The following ASIC2 variants were observed in gnomAD, a reference collection of about 807,000 sequenced individuals.
The protein encoded by ASIC2 is acid-sensing ion channel 2.
In ASIC2, 25 loss-of-function variants were observed where a neutral mutation model predicts 57.3. The ratio of observed to expected loss-of-function variants is 0.44; its 90% CI spans 0.32 to 0.61. The LOEUF (loss-of-function observed/expected upper bound fraction) is 0.61. Ranked by LOEUF, ASIC2 falls within the 20% of genes least tolerant of loss-of-function variation. The pLI is 0.06. For synonymous variants in ASIC2, 319 were observed against 307.5 expected, an observed-to-expected ratio of 1.04 and a Z score of -0.39; for missense variants, 641 against 738.1, an observed-to-expected ratio of 0.87 and a Z score of 1.52.
At chr17:33,250,777 A>G (rs965997417) in intron 1 of ASIC2, among the ~76,000 whole-genome samples, 4 of 152,130 alleles carry the variant, frequency 2.6e-5, no homozygotes, top group Admixed American at 1.3e-4. Flanking sequence ...ATCTCCCCCA[A>G]GGGAGCCCAG....
intron 1 of ASIC2, among the ~76,000 whole-genome samples, chr17:33,440,629 C>T (rs748670238): frequency 8.1e-4 from 124 of 152,196 alleles, no homozygotes; most frequent in Non-Finnish European, 7.1e-4. Context: ...CGAAGTATAT[C>T]GTTGGTCTTT....
chr17:33,185,852 C>T (rs1906171385), intron 1 of ASIC2, among the ~76,000 whole-genome samples: 1 of 152,112 alleles, frequency 6.6e-6, no homozygotes, highest in African/African-American at 2.4e-5. Flanking sequence ...AATAAACACT[C>T]CAGGCTTCGG....
chr17:33,319,155 G>A (rs959912134), intron 1 of ASIC2, among the ~76,000 whole-genome samples: 3 of 152,170 alleles, frequency 2.0e-5, no homozygotes, highest in Admixed American at 6.5e-5. Context: ...ACTTGAACCC[G>A]GGATGCGGAG....
intron 1 of ASIC2, among the ~76,000 whole-genome samples, chr17:33,913,244 C>T (rs1915507382): frequency 6.6e-6 from 1 of 152,070 alleles, no homozygotes; most frequent in Admixed American, 6.6e-5. Flanking sequence ...ATGTGTAATA[C>T]ATTTTCAATA....
At chr17:33,398,037 A>G (rs1910142512) in intron 1 of ASIC2, among the ~76,000 whole-genome samples, 1 of 152,176 alleles carries the variant, frequency 6.6e-6, no homozygotes, top group African/African-American at 2.4e-5. Context: ...GGGATGGAGG[A>G]ACTACAGGGA....
intron 1 of ASIC2, among the ~76,000 whole-genome samples, chr17:33,908,774 C>A (rs1271600225): frequency 6.6e-6 from 1 of 152,186 alleles, no homozygotes; most frequent in African/African-American, 2.4e-5. Context: ...AAGATTGGAA[C>A]TAGAAATTGA....
At chr17:33,755,083 T>C (rs944004794) in intron 1 of ASIC2, among the ~76,000 whole-genome samples, 1 of 151,972 alleles carries the variant, frequency 6.6e-6, no homozygotes, top group African/African-American at 2.4e-5. Flanking sequence ...TTATTCTGGA[T>C]TATTCAGGTC....
At chr17:33,225,383 G>C (rs1201895714) in intron 1 of ASIC2, among the ~76,000 whole-genome samples, 1 of 152,198 alleles carries the variant, frequency 6.6e-6, no homozygotes, top group Non-Finnish European at 1.5e-5. Context: ...GTAAAATGGG[G>C]ATGATAACAG....
At chr17:33,699,596 C>T (rs1240706008) in intron 1 of ASIC2, among the ~76,000 whole-genome samples, 1 of 152,180 alleles carries the variant, frequency 6.6e-6, no homozygotes, top group African/African-American at 2.4e-5. Flanking sequence ...ACAATGGTTA[C>T]AGCTCATCTA....
intron 1 of ASIC2, among the ~76,000 whole-genome samples, chr17:33,810,184 G>C (rs76445489): frequency 0.073 from 11,135 of 152,274 alleles, 568 homozygotes; most frequent in Non-Finnish European, 0.098. Context: ...GGGGCAAAGA[G>C]TTGAGAAAGC....
chr17:34,083,909 A>G (rs952115200), intron 1 of ASIC2, among the ~76,000 whole-genome samples: 40 of 152,042 alleles, frequency 2.6e-4, no homozygotes, highest in Non-Finnish European at 5.3e-4. Flanking sequence ...TTCATTGTGG[A>G]TTCTGGATAT....
rs1909088607 is a variant in ASIC2 at position 33,372,067 on chromosome 17, C to T, written c.556-260000G>A. On this transcript the variant is annotated intron_variant, in intron 1 of 9. Transcript: ENST00000359872. ...TAGGAATAACACTTAAGAAGAACTC[C>T]CCCAGACCCTCTCTGCCTCTCCTGA... 3.9e-5 allele frequency among the ~76,000 whole-genome samples: 6 copies of T among 152,128 alleles called. No homozygotes were observed. The South Asian group carries it at 1.2e-3, about 32-fold the overall frequency.
intron 1 of ASIC2, among the ~76,000 whole-genome samples, chr17:33,680,087 T>C (rs1597832951): frequency 6.6e-6 from 1 of 152,134 alleles, no homozygotes; most frequent in Admixed American, 6.5e-5. Flanking sequence ...GGGAGGCTGG[T>C]GGTGTACCCC....
chr17:33,877,608 G>A (rs536869467), intron 1 of ASIC2, among the ~76,000 whole-genome samples: 42 of 152,320 alleles, frequency 2.8e-4, no homozygotes, highest in Admixed American at 7.8e-4. Context: ...CAAAACAGCC[G>A]GGAAGCTCGA....
chr17:33,859,679 T>C (rs1177683028), intron 1 of ASIC2, among the ~76,000 whole-genome samples: 2 of 152,178 alleles, frequency 1.3e-5, no homozygotes, highest in Non-Finnish European at 2.9e-5. Flanking sequence ...GGGATGGGTT[T>C]ACTTATTTTA....
chr17:33,531,795 C>A (rs16968519), intron 1 of ASIC2, among the ~76,000 whole-genome samples: 1 of 151,884 alleles, frequency 6.6e-6, no homozygotes, highest in Non-Finnish European at 1.5e-5. Flanking sequence ...TCTCAAGTTT[C>A]TGATGGTGAG....
At chr17:33,370,195 A>G (rs1908995718) in intron 1 of ASIC2, among the ~76,000 whole-genome samples, 1 of 152,194 alleles carries the variant, frequency 6.6e-6, no homozygotes, top group Non-Finnish European at 1.5e-5. Flanking sequence ...CTGAGCCCGC[A>G]ATGCAGGCAA....
At chr17:34,125,632 T>C (rs1257867153) in intron 1 of ASIC2, among the ~76,000 whole-genome samples, 2 of 152,118 alleles carry the variant, frequency 1.3e-5, no homozygotes, top group Non-Finnish European at 2.9e-5. Context: ...TCAGATCCTC[T>C]CAGTGTATTT....
At chr17:33,069,411 T>C (rs142387563) in intron 3 of ASIC2, among the ~76,000 whole-genome samples, 6 of 152,368 alleles carry the variant, frequency 3.9e-5, no homozygotes, top group Non-Finnish European at 8.8e-5. Context: ...CTACTTGTCC[T>C]ATCAATTATT....
Sources: gnomAD v4.1 joint callset for allele counts (sites outside exome capture counted in the v4.1 genomes callset) on GRCh38, gnomAD v4.1.1 for gene constraint, MANE v1.5 for transcripts, NCBI Gene and HGNC (gene_info 2026-07-23, HGNC 2026-07-21) for gene names.